CYBB: variants seen among roughly 807,000 people sequenced by gnomAD.
The protein encoded by CYBB is NADPH oxidase 2.
CYBB carries 5 observed loss-of-function variants against 46.5 expected under a neutral mutation model. The observed-to-expected ratio is 0.11, with a 90% confidence interval of 0.06 to 0.23. CYBB has a LOEUF of 0.23. Among genes scored for constraint, CYBB ranks in the 10% least tolerant of loss-of-function variants. CYBB has a pLI of 1.00. For missense variants in CYBB, 307 were observed against 428.3 expected (o/e 0.72, Z 2.50); for synonymous variants, 183 against 156.7 (o/e 1.17, Z -1.26).
rs34052166 is a variant in CYBB, at chrX:37,798,639, T to A, written c.675-316T>A. Reference sequence around the variant, plus strand: ...CACTCTGTTAGATTTGCAATTTTTCTGCTTTTGTTTGTTTGTAAATGAAAA... The same window carrying A: ...CACTCTGTTAGATTTGCAATTTTTCAGCTTTTGTTTGTTTGTAAATGAAAA... On this transcript the variant is annotated intron_variant, in intron 6 of 12. Coordinates refer to ENST00000378588, the MANE Select transcript of CYBB (RefSeq NM_000397.4). Among the ~76,000 whole-genome samples, 4,614 of 112,251 alleles carry A rather than the reference T, an allele frequency of 0.041. 236 individuals are homozygous for A. The highest frequency in any genetic ancestry group is 0.14 in the African/African-American group (4,317 of 30,805).
At chrX:37,808,680 A>G (rs920945224) in intron 11 of CYBB, among the ~76,000 whole-genome samples, 2 of 112,747 alleles carry the variant, frequency 1.8e-5, no homozygotes, top group Non-Finnish European at 3.8e-5. Context: ...CTGCAATTTA[A>G]AAACAAAACA....
intron 5 of CYBB, among the ~76,000 whole-genome samples, chrX:37,794,938 G>A (rs1929271683): frequency 8.9e-6 from 1 of 111,745 alleles, no homozygotes; most frequent in African/African-American, 3.3e-5. Flanking sequence ...GAATTAAACA[G>A]CATCATAAAA....
chrX:37,796,641 G>A (rs782489132), intron 6 of CYBB, among the ~76,000 whole-genome samples: 4 of 111,937 alleles, frequency 3.6e-5, no homozygotes, highest in Non-Finnish European at 5.6e-5. Context: ...GGAAAAATAT[G>A]TGGTTGTTGC....
At chrX:37,784,292 A>G (rs1482001416) in intron 3 of CYBB, among the ~76,000 whole-genome samples, 2 of 112,366 alleles carry the variant, frequency 1.8e-5, no homozygotes, top group East Asian at 5.6e-4. Context: ...AATAAATATT[A>G]TACAAAGCAA....
In CYBB at chrX:37,792,047, G is replaced by T. The variant is rs1556467120; in HGVS notation, c.325G>T (p.Ala109Ser). The T allele has an allele frequency of 7.5e-6, 9 of 1,194,452 alleles. No individual in the cohort carries two copies. The highest frequency in any genetic ancestry group is 1.0e-5 in the Non-Finnish European group (9 of 880,104). The change falls in exon 4 of 13, where the codon GCA becomes TCA. Residue 109 changes from alanine (A) to serine (S), a missense_variant. Around this residue, in one of 3 missense-constraint regions of CYBB, gnomAD observed 103 missense variants for 150.2 expected, o/e 0.69. Coordinates refer to ENST00000378588, the MANE Select transcript of CYBB (RefSeq NM_000397.4). The part of the protein sequence containing the change: ...TFHKMVAWMI[A>S]LHSAIHTIAH... ...TCATAAAATGGTGGCATGGATGATTGCACTTCACTCTGGTAAGTTTATTAA... is the reference window on the plus strand; with the variant it reads ...TCATAAAATGGTGGCATGGATGATTTCACTTCACTCTGGTAAGTTTATTAA...
Position 37,793,788 on chromosome X carries a change from A to G in CYBB, c.461A>G (p.Asn154Ser). The G allele has an allele frequency of 8.3e-7, 1 of 1,207,473 alleles. No homozygotes were observed. Among genetic ancestry groups the G allele is most frequent in the Non-Finnish European group, 1.1e-6 (1 of 893,277 alleles). Reference protein sequence around the residue: ...LGDRQNESYLNFARKRIKNPE... With the variant: ...LGDRQNESYLSFARKRIKNPE... ...GACAGGCAAAATGAAAGTTATCTCA[A>G]TTTTGCTCGAAAGAGAATAAAGGTA... The change falls in exon 5 of 13, where the codon AAT becomes AGT. Residue 154 changes from asparagine to serine, a missense_variant. Coordinates refer to ENST00000378588, the MANE Select transcript of CYBB (RefSeq NM_000397.4).
At chrX:37,802,681 G>A (rs1929470332) in intron 8 of CYBB, among the ~76,000 whole-genome samples, 1 of 112,116 alleles carries the variant, frequency 8.9e-6, no homozygotes, top group Non-Finnish European at 1.9e-5. Flanking sequence ...TTTTTATCAT[G>A]TAAGATGCAT....
At chrX:37,783,434 C>A in intron 2 of CYBB, 56 bp from the exon 3 acceptor site, 1 of 772,024 alleles carries the variant, frequency 1.3e-6, no homozygotes, top group Non-Finnish European at 2.0e-6. Context: ...GAAGTGGGGA[C>A]AGGGCATATT....
rs782498568 is a variant in CYBB, at chrX:37,782,054, C to T, written c.46-34C>T. On this transcript the variant is annotated intron_variant, in intron 1 of 12. Transcript: ENST00000378588. Reference sequence around the variant, plus strand: ...TTGTGTGGAATCTACTGTGGAAATGCGGAAACTTCATGCAATTATTTCTGT... The same window carrying T: ...TTGTGTGGAATCTACTGTGGAAATGTGGAAACTTCATGCAATTATTTCTGT... The T allele has an allele frequency of 1.2e-5, 13 of 1,116,012 alleles. No homozygotes were observed. The East Asian group carries it at 1.2e-4, about 10-fold the overall frequency. 92.0% of individuals were successfully genotyped at this position (1,116,012 alleles called of 1,213,427 possible).
At chrX:37,808,418 A>G (rs1569480274) in intron 11 of CYBB, among the ~76,000 whole-genome samples, 2 of 112,321 alleles carry the variant, frequency 1.8e-5, no homozygotes, top group Non-Finnish European at 3.8e-5. Flanking sequence ...GCTATCACAT[A>G]GGCAACATCT....
chrX:37,807,401 A>G (rs1410901345), intron 11 of CYBB, among the ~76,000 whole-genome samples: 3 of 110,068 alleles, frequency 2.7e-5, no homozygotes, highest in Non-Finnish European at 5.7e-5. Flanking sequence ...CATTTAATTT[A>G]TATGCTTTTG....
chrX:37,785,636 C>G (rs1048303496), intron 3 of CYBB, among the ~76,000 whole-genome samples: 4 of 111,536 alleles, frequency 3.6e-5, no homozygotes, highest in Non-Finnish European at 7.5e-5. Context: ...CCTGGAACTC[C>G]TGGGCTCAAG....
chrX:37,805,161 T>C lies in CYBB; in HGVS notation c.1307T>C (p.Leu436Pro), dbSNP rs1192533381. The C allele has an allele frequency of 8.3e-7, 1 of 1,209,036 alleles. No homozygotes were observed. The highest frequency in any genetic ancestry group is 1.1e-6 in the Non-Finnish European group (1 of 894,489). Reference sequence around the variant, plus strand: ...TGCAATAACGCCACCAATCTGAAGCTCAAAAAGGTAAGTCCTTTCATTTAT... The same window carrying C: ...TGCAATAACGCCACCAATCTGAAGCCCAAAAAGGTAAGTCCTTTCATTTAT... ...KYCNNATNLK[L>P]KKIYFYWLCR... Residue 436 changes from leucine (L) to proline (P), a missense_variant, in exon 10 of 13, where the codon CTC (leucine) becomes CCC (proline). Leu to Pro is a moderately conservative substitution (Grantham distance 98). This residue lies in a region of CYBB where 122 missense variants were observed against 208.3 expected (regional missense o/e 0.59). Coordinates refer to ENST00000378588, the MANE Select transcript of CYBB (RefSeq NM_000397.4).
At position 37,801,311 on chromosome X, in the gene CYBB, G is replaced by C; in HGVS notation, c.860G>C (p.Arg287Pro). 8.3e-7 allele frequency: 1 copy of C among 1,208,131 alleles called. No homozygotes were observed. The highest frequency in any genetic ancestry group is 1.1e-6 in the Non-Finnish European group (1 of 892,662). ...CTGTATCTCTGTGAGAGGTTGGTGC[G>C]GTTTTGGCGATCTCAACAGAAGGTG... ...MFLYLCERLV[R>P]FWRSQQKVVI... Residue 287 changes from arginine to proline, a missense_variant, in exon 8 of 13, where the codon CGG (arginine) becomes CCG (proline). Physicochemically the swap from Arg to Pro is moderately radical, Grantham distance 103 (BLOSUM62 -2). Transcript: ENST00000378588.
At chrX:37,786,821 T>C (rs1052736449) in intron 3 of CYBB, among the ~76,000 whole-genome samples, 1 of 111,131 alleles carries the variant, frequency 9.0e-6, no homozygotes, top group African/African-American at 3.3e-5. Flanking sequence ...TTACCTTATA[T>C]AGTCTGGGAG....
At position 37,793,547 on chromosome X, in the gene CYBB, G is replaced by A. The variant is rs1383893282; in HGVS notation, c.338-118G>A. The stretch of plus-strand genomic sequence containing the variant: ...CAGTTCTTGTCTATAAGTGTCCTGG[G>A]CCTCCCTTTGTCTCCCTGTGGCTTA... On this transcript the variant is annotated intron_variant, in intron 4 of 12. Transcript: ENST00000378588. 7.7e-6 allele frequency: 6 copies of A among 781,946 alleles called. No homozygotes were observed. In the East Asian group the frequency reaches 1.6e-4, roughly 21 times the overall value. The allele number at this position is 781,946 out of a possible 1,213,427, so 64.4% of individuals were successfully genotyped here.
At chrX:37,793,595 A>G (rs1465667580) in intron 4 of CYBB, 70 bp from the exon 5 acceptor site, 2 of 1,134,898 alleles carry the variant, frequency 1.8e-6, no homozygotes, top group African/African-American at 3.6e-5. Flanking sequence ...AGGCTGTCCC[A>G]GAAACCCAGC....
intron 8 of CYBB, among the ~76,000 whole-genome samples, chrX:37,801,586 TTGTGTGTGTGTGTGTGTGTG>T (rs58302662): frequency 1.4e-4 from 12 of 84,589 alleles, no homozygotes; most frequent in Non-Finnish European, 2.3e-4. Context: ...CCCCCACCCA[TTGTGTGTGTGTGTGTGTGTG>T]TGTGTGTGTG....
intron 8 of CYBB, 56 bp from the exon 9 acceptor site, chrX:37,803,821 A>T: frequency 8.4e-7 from 1 of 1,188,055 alleles, no homozygotes; most frequent in Non-Finnish European, 1.1e-6. Flanking sequence ...TATGGACACT[A>T]AAAAGGCAAG....
Sources: allele counts gnomAD v4.1 joint callset (sites outside exome capture counted in the v4.1 genomes callset), GRCh38; gene constraint gnomAD v4.1.1; regional missense constraint gnomAD v4.1.1; transcripts MANE v1.5; gene names NCBI Gene and HGNC (gene_info 2026-07-23, HGNC 2026-07-21).